Variants in SLC35F1 observed in about 807,000 individuals in gnomAD.
SLC35F1 encodes solute carrier family 35 member F1.
A neutral mutation model predicts 48.7 loss-of-function variants in SLC35F1; 14 were observed. That is an observed-to-expected ratio of 0.29 (90% CI 0.19 to 0.45). The LOEUF is 0.45. Ranked by LOEUF, SLC35F1 falls within the 20% of genes least tolerant of loss-of-function variation. The pLI is 1.00. For missense variants in SLC35F1, 404 were observed against 500.0 expected, an observed-to-expected ratio of 0.81 and a Z score of 1.83; for synonymous variants, 190 against 202.2, an observed-to-expected ratio of 0.94 and a Z score of 0.51.
intron 1 of SLC35F1, among the ~76,000 whole-genome samples, chr6:118,014,140 A>G (rs1432277243): frequency 6.6e-6 from 1 of 152,204 alleles, no homozygotes; most frequent in East Asian, 1.9e-4. Flanking sequence ...TTACTTGCAA[A>G]ATGGGTATAA....
intron 2 of SLC35F1, among the ~76,000 whole-genome samples, chr6:118,157,589 G>A (rs988411985): frequency 6.6e-6 from 1 of 152,184 alleles, no homozygotes; most frequent in South Asian, 2.1e-4. Flanking sequence ...GTCTGTGGCC[G>A]AAGTCCCCAA....
At chr6:118,215,867 A>G (rs1775064573) in intron 2 of SLC35F1, among the ~76,000 whole-genome samples, 1 of 152,158 alleles carries the variant, frequency 6.6e-6, no homozygotes, top group South Asian at 2.1e-4. Context: ...TCAGAAGGAA[A>G]AACAAGGGCT....
intron 1 of SLC35F1, among the ~76,000 whole-genome samples, chr6:118,030,889 CTAAG>C (rs1772035207): frequency 6.6e-6 from 1 of 152,098 alleles, no homozygotes; most frequent in Admixed American, 6.6e-5. Context: ...TAAATGTCCT[CTAAG>C]TAGGTCTTAA....
chr6:117,918,533 A>G (rs190986481), intron 1 of SLC35F1, among the ~76,000 whole-genome samples: 1 of 152,310 alleles, frequency 6.6e-6, no homozygotes, highest in African/African-American at 2.4e-5. Context: ...AAGGATATCA[A>G]TAGTGAACAA....
At position 118,171,315 on chromosome 6, in the gene SLC35F1, G is replaced by A. The variant is rs181018304; in HGVS notation, c.349+16695G>A. On this transcript the variant is annotated intron_variant, in intron 2 of 7. Transcript: ENST00000360388. ...CAAAGTGCTGGGATTGCAGGTGTGA[G>A]CTACCATGCCCAGCCTGCAGCTTAC... 2.8e-4 allele frequency among the ~76,000 whole-genome samples: 43 copies of A among 152,316 alleles called. No individual in the cohort carries two copies. In the Middle Eastern group the frequency reaches 0.01, roughly 36 times the overall value.
chr6:118,143,356 A>G (rs1290104620), intron 1 of SLC35F1, among the ~76,000 whole-genome samples: 2 of 152,238 alleles, frequency 1.3e-5, no homozygotes, highest in African/African-American at 4.8e-5. Flanking sequence ...AGAAAAAAAC[A>G]GCAAAAGTAA....
At chr6:118,291,062 G>A (rs957088290) in intron 7 of SLC35F1, among the ~76,000 whole-genome samples, 8 of 151,922 alleles carry the variant, frequency 5.3e-5, no homozygotes, top group Admixed American at 5.2e-4. Context: ...CAAAGTGCTG[G>A]GATTACAGAC....
intron 1 of SLC35F1, among the ~76,000 whole-genome samples, chr6:118,046,568 G>T (rs2114906268): frequency 6.6e-6 from 1 of 152,224 alleles, no homozygotes; most frequent in African/African-American, 2.4e-5. Context: ...AGTGTCTAAG[G>T]CTGTCTAGCT....
At chr6:118,270,329 C>T (rs1245532223) in intron 4 of SLC35F1, among the ~76,000 whole-genome samples, 2 of 152,110 alleles carry the variant, frequency 1.3e-5, no homozygotes, top group Non-Finnish European at 2.9e-5. Context: ...TTAAGTACTT[C>T]ATGTACAAAA....
At chr6:118,134,331 T>G (rs1385266478) in intron 1 of SLC35F1, among the ~76,000 whole-genome samples, 1 of 152,184 alleles carries the variant, frequency 6.6e-6, no homozygotes, top group Non-Finnish European at 1.5e-5. Flanking sequence ...TACTATGAAA[T>G]TCTCCTCTCT....
At chr6:118,056,975 A>C (rs774993938) in intron 1 of SLC35F1, among the ~76,000 whole-genome samples, 4 of 152,154 alleles carry the variant, frequency 2.6e-5, no homozygotes, top group African/African-American at 4.8e-5. Context: ...ATAGCTGCTT[A>C]AAAAGAACAA....
intron 3 of SLC35F1, among the ~76,000 whole-genome samples, chr6:118,257,915 T>A (rs1446967044): frequency 6.6e-6 from 1 of 152,192 alleles, no homozygotes; most frequent in Non-Finnish European, 1.5e-5. Flanking sequence ...CTTAGTTACC[T>A]AGATTTCCTT....
At chr6:118,128,272 A>T (rs1346464229) in intron 1 of SLC35F1, among the ~76,000 whole-genome samples, 11 of 144,276 alleles carry the variant, frequency 7.6e-5, no homozygotes, top group African/African-American at 2.9e-4. Flanking sequence ...AGGGATCTAG[A>T]ACTAGAAATA....
chr6:117,937,363 G>C (rs953110631), intron 1 of SLC35F1, among the ~76,000 whole-genome samples: 6 of 152,214 alleles, frequency 3.9e-5, no homozygotes, highest in African/African-American at 1.2e-4. Flanking sequence ...TGAAGCATAT[G>C]CTACAGCCTT....
chr6:117,986,909 C>T (rs745367448), intron 1 of SLC35F1, among the ~76,000 whole-genome samples: 29 of 152,158 alleles, frequency 1.9e-4, no homozygotes, highest in Non-Finnish European at 3.8e-4. Flanking sequence ...CCTTATCTAT[C>T]AGGTGGGTGC....
chr6:118,168,072 C>T (rs1406706180), intron 2 of SLC35F1, among the ~76,000 whole-genome samples: 1 of 152,112 alleles, frequency 6.6e-6, no homozygotes. Context: ...AGGGATTTTG[C>T]GCAAAGGGAC....
At chr6:118,297,474 C>T (rs944260578) in intron 7 of SLC35F1, among the ~76,000 whole-genome samples, 2 of 151,808 alleles carry the variant, frequency 1.3e-5, no homozygotes, top group Admixed American at 6.6e-5. Flanking sequence ...TGTCTTGATT[C>T]ACTGCGGAAG....
In SLC35F1 at chr6:118,016,586, GA is replaced by G. The variant is rs1344756012; in HGVS notation, c.173+108689del. 4.6e-5 allele frequency among the ~76,000 whole-genome samples: 7 copies of G among 152,062 alleles called. No homozygotes were observed. In the South Asian group the frequency reaches 8.3e-4, roughly 18 times the overall value. ...TTTCTGAAATCAATATTTTAGGGTA[GA>G]ACTGCAAATATTCTTTGTTCAGGAA... On this transcript the variant is annotated intron_variant, in intron 1 of 7. Coordinates refer to ENST00000360388, the MANE Select transcript of SLC35F1 (RefSeq NM_001029858.4).
chr6:118,272,767 A>ATATATATATATATATATATATATG (rs1289997076), intron 4 of SLC35F1, among the ~76,000 whole-genome samples: 3 of 136,066 alleles, frequency 2.2e-5, no homozygotes, highest in African/African-American at 8.7e-5. Context: ...ATATATATGT[A>ATATATATATATATATATATATATG]TATATATATA....
Sources: gnomAD v4.1 joint callset for allele counts (sites outside exome capture counted in the v4.1 genomes callset) on GRCh38, gnomAD v4.1.1 for gene constraint, MANE v1.5 for transcripts, NCBI Gene and HGNC (gene_info 2026-07-23, HGNC 2026-07-21) for gene names.